The following LMNB2 variants were observed in gnomAD, a reference collection of about 807,000 sequenced individuals.
LMNB2 encodes the protein lamin B2, also known as lamin-B2.
A neutral mutation model predicts 69.3 loss-of-function variants in LMNB2; 17 were observed. The ratio of observed to expected loss-of-function variants is 0.25; its 90% CI spans 0.17 to 0.37. The LOEUF (loss-of-function observed/expected upper bound fraction) is 0.37, where lower values mean the gene tolerates loss of function less well. LMNB2 is among the 10% of genes least tolerant of loss of function. The pLI, the probability that LMNB2 is intolerant of heterozygous loss-of-function variation, is 1.00. For synonymous variants in LMNB2, 397 were observed against 389.3 expected (o/e 1.02, Z -0.23); for missense variants, 789 against 883.6 (o/e 0.89, Z 1.36).
intron 1 of LMNB2, 83 bp from the exon 2 acceptor site, chr19:2,444,623 G>T: frequency 3.2e-6 from 5 of 1,551,532 alleles, no homozygotes; most frequent in Non-Finnish European, 4.4e-6. Flanking sequence ...CACTGGCCCT[G>T]CTCAGATTCC....
chr19:2,437,787 G>A (rs1186649123), intron 4 of LMNB2, among the ~76,000 whole-genome samples: 1 of 77,678 alleles, frequency 1.3e-5, no homozygotes, highest in Non-Finnish European at 2.5e-5. Flanking sequence ...GTGACAGAGT[G>A]AAACTCCATC....
intron 1 of LMNB2, among the ~76,000 whole-genome samples, chr19:2,449,617 T>G (rs1486291349): frequency 2.0e-5 from 3 of 151,194 alleles, no homozygotes; most frequent in Non-Finnish European, 4.4e-5. Context: ...CTGTCTCTAT[T>G]AAAACACAAA....
At chr19:2,451,106 C>T (rs193153772) in intron 1 of LMNB2, among the ~76,000 whole-genome samples, 89 of 152,120 alleles carry the variant, frequency 5.9e-4, no homozygotes, top group African/African-American at 2.0e-3. Context: ...CTGGGCGTGG[C>T]AGTGCAAACC....
chr19:2,430,632 A>C lies in LMNB2; in HGVS notation c.*279T>G. On this transcript the variant is annotated 3_prime_UTR_variant, in exon 12 of 12. Coordinates refer to ENST00000325327, the MANE Select transcript of LMNB2 (RefSeq NM_032737.4). ...CTCCCTCCAAGCCCAAGCATCTTCT[A>C]AACCTCCGGGTCCTGGCCCTGGGCT... 7.6e-6 allele frequency: 4 copies of C among 528,530 alleles called. No homozygotes were observed. Among genetic ancestry groups the C allele is most frequent in the Non-Finnish European group, 1.4e-5 (4 of 291,058 alleles). The allele number at this position is 528,530 out of a possible 1,614,324, so 32.7% of individuals were successfully genotyped here.
At chr19:2,455,203 G>A (rs1198175919) in intron 1 of LMNB2, among the ~76,000 whole-genome samples, 2 of 152,000 alleles carry the variant, frequency 1.3e-5, no homozygotes. Context: ...GGATTCATCA[G>A]GGAACTCGCT....
At chr19:2,449,452 T>C (rs564807567) in intron 1 of LMNB2, among the ~76,000 whole-genome samples, 3 of 152,252 alleles carry the variant, frequency 2.0e-5, no homozygotes, top group Non-Finnish European at 4.4e-5. Flanking sequence ...AGTTTGTTCA[T>C]TGTAGATTTT....
chr19:2,456,361 C>G (rs1470856570), intron 1 of LMNB2, among the ~76,000 whole-genome samples: 1 of 151,636 alleles, frequency 6.6e-6, no homozygotes, highest in Non-Finnish European at 1.5e-5. Flanking sequence ...TCACGCACCC[C>G]GCGGTGGGCG....
intron 2 of LMNB2, among the ~76,000 whole-genome samples, chr19:2,441,927 G>A (rs971407551): frequency 6.6e-5 from 10 of 152,194 alleles, no homozygotes; most frequent in African/African-American, 1.2e-4. Flanking sequence ...CGGGGAATCC[G>A]GGAAGCTCCT....
chr19:2,436,853 A>AG (rs1321820680), intron 4 of LMNB2: 1 of 152,624 alleles, frequency 6.6e-6, no homozygotes. Flanking sequence ...GCTCCCTGTG[A>AG]GGGCCCCTCC....
rs748469245 is a variant in LMNB2, at chr19:2,431,698, G to A, written c.1711-40C>T. On this transcript the variant is annotated intron_variant, in intron 10 of 11. Transcript: ENST00000325327. Reference sequence around the variant, plus strand: ...ACACGGCGGCATGTCCCGGGATCGGGCCCAGAGCTGCTGTGGCGGCCCCGA... The same window carrying A: ...ACACGGCGGCATGTCCCGGGATCGGACCCAGAGCTGCTGTGGCGGCCCCGA... 6.8e-6 allele frequency: 11 copies of A among 1,613,766 alleles called. No individual in the cohort carries two copies. In the Admixed American group the frequency reaches 1.2e-4, roughly 17 times the overall value.
At chr19:2,434,968 G>A (rs779179443) in intron 5 of LMNB2, 33 bp downstream of exon 5, 3 of 984,838 alleles carry the variant, frequency 3.0e-6, no homozygotes, top group East Asian at 4.4e-5. Context: ...GGTTCCCACC[G>A]GCCGCCCCCG....
At chr19:2,436,601 T>G (rs914016145) in intron 4 of LMNB2, among the ~76,000 whole-genome samples, 4 of 37,926 alleles carry the variant, frequency 1.1e-4, no homozygotes, top group Non-Finnish European at 1.6e-4. Context: ...CCACGGCCGC[T>G]CACCCACCTG....
At chr19:2,444,359 G>C in intron 2 of LMNB2, 45 bp downstream of exon 2, 2 of 1,611,662 alleles carry the variant, frequency 1.2e-6, no homozygotes, top group Non-Finnish European at 1.7e-6. Context: ...TCCACCCCGT[G>C]GTGCCAGGAT....
In LMNB2 at chr19:2,456,685, C is replaced by A; in HGVS notation, c.249G>T (p.Glu83Asp). The A allele has an allele frequency of 6.4e-7, 1 of 1,550,558 alleles. No homozygotes were observed. Among genetic ancestry groups the A allele is most frequent in the East Asian group, 2.6e-5 (1 of 38,348 alleles). ...RLLLKISEKE[E>D]VTTREVSGIK... ...CGGCGCCCACCTCGCGCGTGGTCAC[C>A]TCCTCCTTCTCTGAGATCTTGAGCA... Residue 83 changes from glutamate (E) to aspartate (D), a missense_variant, in exon 1 of 12, where the codon GAG becomes GAT. Coordinates refer to ENST00000325327, the MANE Select transcript of LMNB2 (RefSeq NM_032737.4).
chr19:2,432,933 A>AC (rs56012091), intron 8 of LMNB2, among the ~76,000 whole-genome samples: 6 of 48,534 alleles, frequency 1.2e-4, no homozygotes, highest in African/African-American at 3.9e-4. Flanking sequence ...GACCCTGGTC[A>AC]CCCCATCAGC....
At position 2,453,564 on chromosome 19, in the gene LMNB2, C is replaced by CT. The variant is rs1228918471; in HGVS notation, c.264+3105dup. 6.6e-6 allele frequency among the ~76,000 whole-genome samples: 1 copy of CT among 152,190 alleles called. No homozygotes were observed. Among genetic ancestry groups the CT allele is most frequent in the Non-Finnish European group, 1.5e-5 (1 of 68,032 alleles). On this transcript the variant is annotated intron_variant, in intron 1 of 11. Coordinates refer to ENST00000325327, the MANE Select transcript of LMNB2 (RefSeq NM_032737.4). This position sits in a 1 kb window ranked among gnomAD's most constrained non-coding sequence, Gnocchi z 4.4. ...TCCCAGCTGTCCCCTGCCACATGCC[C>CT]TGCAGACACGGCTGGGTGACAGGGC...
rs547459712 is a variant in LMNB2 at position 2,428,323 on chromosome 19, C to T, written c.*2588G>A. On this transcript the variant is annotated 3_prime_UTR_variant, in exon 12 of 12. Coordinates refer to ENST00000325327, the MANE Select transcript of LMNB2 (RefSeq NM_032737.4). ...GTCCATGCCAGCCCCAGCTGCAGCC[C>T]AGCTCCGTTTTTGCAGGTTGTGCTG... The T allele has an allele frequency of 6.6e-6, 1 of 152,360 alleles. No individual in the cohort carries two copies. The highest frequency in any genetic ancestry group is 6.5e-5 in the Admixed American group (1 of 15,302). The allele number at this position is 152,360 out of a possible 1,614,324, so 9.4% of individuals were successfully genotyped here. A position where few individuals can be genotyped will look rare whatever the true frequency, so the allele number is the denominator to read the frequency against.
chr19:2,456,236 C>T (rs1017646156), intron 1 of LMNB2, among the ~76,000 whole-genome samples: 2 of 150,922 alleles, frequency 1.3e-5, no homozygotes, highest in Non-Finnish European at 3.0e-5. Flanking sequence ...CTGGGAGCCC[C>T]GCAGTGGGCT....
rs1971744758 is a variant in LMNB2 at position 2,431,830 on chromosome 19, C to T, written c.1663G>A (p.Gly555Ser). The T allele has an allele frequency of 3.7e-6, 6 of 1,613,670 alleles. No homozygotes were observed. Among genetic ancestry groups the T allele is most frequent in the East Asian group, 2.2e-5 (1 of 44,862 alleles). ...TLVWKGQSSW[G>S]TGESFRTVLV... Reference sequence around the variant, plus strand: ...ACGGTGCGGAAGCTCTCGCCCGTGCCCCAGCTGCTCTGGCCCTTCCACACC... The same window carrying T: ...ACGGTGCGGAAGCTCTCGCCCGTGCTCCAGCTGCTCTGGCCCTTCCACACC... Residue 555 changes from glycine (G) to serine (S), a missense_variant, in exon 10 of 12, where the codon GGC becomes AGC. Gly to Ser is a moderately conservative substitution (Grantham distance 56). Coordinates refer to ENST00000325327, the MANE Select transcript of LMNB2 (RefSeq NM_032737.4).
Sources: allele counts gnomAD v4.1 joint callset (sites outside exome capture counted in the v4.1 genomes callset), GRCh38; gene constraint gnomAD v4.1.1; non-coding constraint Gnocchi (gnomAD v3.1); transcripts MANE v1.5; gene names NCBI Gene and HGNC (gene_info 2026-07-23, HGNC 2026-07-21).